PCDHGA4: variants seen among roughly 807,000 people sequenced by gnomAD.
The protein encoded by PCDHGA4 is protocadherin gamma subfamily A, 4.
PCDHGA4 carries 38 observed loss-of-function variants against 54.6 expected under a neutral mutation model. The ratio of observed to expected loss-of-function variants is 0.70; its 90% CI spans 0.54 to 0.91. PCDHGA4 has a LOEUF of 0.91. Among genes scored for constraint, PCDHGA4 ranks in the 40% least tolerant of loss-of-function variants. PCDHGA4 has a pLI of 0.00. For synonymous variants in PCDHGA4, 511 were observed against 512.9 expected (o/e 1.00, Z 0.05); for missense variants, 1,298 against 1,220.9 (o/e 1.06, Z -0.94).
intron 1 of PCDHGA4, among the ~76,000 whole-genome samples, chr5:141,401,212 G>A (rs2094128608): frequency 6.6e-6 from 1 of 151,930 alleles, no homozygotes; most frequent in Non-Finnish European, 1.5e-5. Context: ...TGTGGTGGCG[G>A]GCGCCTGTAA....
At chr5:141,389,842 C>T (rs779733638) in intron 1 of PCDHGA4, 21 of 1,614,018 alleles carry the variant, frequency 1.3e-5, no homozygotes, top group Non-Finnish European at 1.7e-5. Context: ...CCACCACTCT[C>T]GGCCACTGCC....
At chr5:141,359,613 G>A (rs960150614) in intron 1 of PCDHGA4, among the ~76,000 whole-genome samples, 5 of 151,718 alleles carry the variant, frequency 3.3e-5, no homozygotes, top group Non-Finnish European at 5.9e-5. Flanking sequence ...GCAGAATATG[G>A]TATGTTGTAT....
chr5:141,487,176 A>T lies in PCDHGA4; in HGVS notation c.2515-7631A>T. ...ACTCTCTTAGTGTCCTTAGAGGAAG[A>T]CACTCATCCAGTTGTCCCAGATCTT... On this transcript the variant is annotated intron_variant, in intron 1 of 3. Transcript: ENST00000571252. This position sits in a 1 kb window ranked among gnomAD's most constrained non-coding sequence, Gnocchi z 5.0. 1 of 1,613,774 alleles carries T rather than the reference A, an allele frequency of 6.2e-7. No individual in the cohort carries two copies. Among genetic ancestry groups the T allele is most frequent in the South Asian group, 1.1e-5 (1 of 91,082 alleles).
At chr5:141,383,401 CAG>C (rs1246270441) in intron 1 of PCDHGA4, 1 of 1,614,016 alleles carries the variant, frequency 6.2e-7, no homozygotes. Context: ...GAACTCCCTC[CAG>C]AGTTACCAGC....
intron 1 of PCDHGA4, chr5:141,377,028 G>A (rs776077319): frequency 2.5e-4 from 39 of 154,858 alleles, no homozygotes; most frequent in Admixed American, 6.4e-5. Context: ...ATTCAAGATT[G>A]TCTTTGATTA....
At position 141,431,391 on chromosome 5, in the gene PCDHGA4, T is replaced by C; in HGVS notation, c.2515-63416T>C. Reference sequence around the variant, plus strand: ...GAAGAAAAGGCTGCTCACCACCTGGTCCTTACGGCCTCCGACGGGGGCGAC... The same window carrying C: ...GAAGAAAAGGCTGCTCACCACCTGGCCCTTACGGCCTCCGACGGGGGCGAC... On this transcript the variant is annotated intron_variant, in intron 1 of 3. Transcript: ENST00000571252. The surrounding 1 kb of genome is among the most constrained non-coding windows in gnomAD (Gnocchi z 4.8). 1 of 1,613,852 alleles carries C rather than the reference T, an allele frequency of 6.2e-7. No homozygotes were observed.
intron 1 of PCDHGA4, among the ~76,000 whole-genome samples, chr5:141,460,958 T>C (rs182414946): frequency 8.2e-6 from 1 of 121,926 alleles, no homozygotes; most frequent in Non-Finnish European, 1.6e-5. Context: ...TATGTATATA[T>C]ATATGTGTGT....
At chr5:141,359,309 G>A (rs936588193) in intron 1 of PCDHGA4, among the ~76,000 whole-genome samples, 1 of 152,076 alleles carries the variant, frequency 6.6e-6, no homozygotes, top group African/African-American at 2.4e-5. Context: ...ATATTCAGGT[G>A]TTGGCATTAG....
chr5:141,371,489 C>G (rs548103153), intron 1 of PCDHGA4: 1 of 1,613,918 alleles, frequency 6.2e-7, no homozygotes, highest in Non-Finnish European at 8.5e-7. Context: ...TGGGGACTGC[C>G]GTTGCCCTGA....
chr5:141,469,881 G>A (rs922510082), intron 1 of PCDHGA4, among the ~76,000 whole-genome samples: 11 of 152,056 alleles, frequency 7.2e-5, no homozygotes, highest in Admixed American at 3.3e-4. Context: ...CTGTAATCTC[G>A]GCACTTTGGG....
intron 1 of PCDHGA4, chr5:141,418,093 C>G: frequency 8.1e-6 from 13 of 1,614,032 alleles, no homozygotes; most frequent in Non-Finnish European, 1.1e-5. Flanking sequence ...TCAGCGTAGA[C>G]GCGCAGAGCG....
At chr5:141,423,203 T>A (rs2096720538) in intron 1 of PCDHGA4, 1 of 1,613,508 alleles carries the variant, frequency 6.2e-7, no homozygotes, top group African/African-American at 1.3e-5. Context: ...TCGGCCACCG[T>A]CACGCTCACC....
rs2095935492 is a variant in PCDHGA4 at position 141,415,755 on chromosome 5, T to TG, written c.2514+58134_2514+58135insG. ...GTTTATTAAGGTTTTTTTTTTTTTT[T>TG]TTTTTTTTTTTTTTTTTACTTTCTG... On this transcript the variant is annotated intron_variant, in intron 1 of 3. Coordinates refer to ENST00000571252, the MANE Select transcript of PCDHGA4 (RefSeq NM_018917.4). 10 of 1,387,646 alleles carry TG rather than the reference T, an allele frequency of 7.2e-6. No individual in the cohort carries two copies. The African/African-American group carries it at 1.4e-4, about 19-fold the overall frequency. The allele number at this position is 1,387,646 out of a possible 1,614,324, so 86.0% of individuals were successfully genotyped here.
Position 141,431,072 on chromosome 5 carries a change from A to G in PCDHGA4, c.2515-63735A>G. On this transcript the variant is annotated intron_variant, in intron 1 of 3. Transcript: ENST00000571252. The surrounding 1 kb of genome is among the most constrained non-coding windows in gnomAD (Gnocchi z 4.8). ...TATGGGGGCCATCAAGTGTCAATTA[A>G]ATCTAGACATTCTGATGGAGGATAA... is the stretch of plus-strand genomic sequence containing the variant. 1 of 1,614,220 alleles carries G rather than the reference A, an allele frequency of 6.2e-7. No individual in the cohort carries two copies. Among genetic ancestry groups the G allele is most frequent in the Non-Finnish European group, 8.5e-7 (1 of 1,180,012 alleles).
rs1760519359 is a variant in PCDHGA4 at position 141,357,241 on chromosome 5, T to G, written c.2134T>G (p.Ser712Ala). The change falls in exon 1 of 4, where the codon TCA (serine) becomes GCA (alanine). Residue 712 changes from serine (S) to alanine (A), a missense_variant. Transcript: ENST00000571252. The stretch of plus-strand genomic sequence containing the variant: ...GGCTGACTTGGGCAGCCTCAAGCCT[T>G]CAGCAGACCCAGACGACTCGGGCCT... Reference protein sequence around the residue: ...VLADLGSLKPSADPDDSGLTL... With the variant: ...VLADLGSLKPAADPDDSGLTL... The G allele has an allele frequency of 6.2e-7, 1 of 1,613,712 alleles. No individual in the cohort carries two copies. The highest frequency in any genetic ancestry group is 8.5e-7 in the Non-Finnish European group (1 of 1,179,770).
At chr5:141,418,563 C>A (rs2096269554) in intron 1 of PCDHGA4, 2 of 1,613,998 alleles carry the variant, frequency 1.2e-6, no homozygotes, top group Non-Finnish European at 1.7e-6. Context: ...GTAATAGATG[C>A]CAATGACAAC....
At chr5:141,385,479 T>A in intron 1 of PCDHGA4, 6 of 1,429,214 alleles carry the variant, frequency 4.2e-6, no homozygotes, top group Non-Finnish European at 5.5e-6. Flanking sequence ...CACTTTAATA[T>A]AGAACACATA....
At chr5:141,469,743 A>G (rs1166798506) in intron 1 of PCDHGA4, among the ~76,000 whole-genome samples, 1 of 152,252 alleles carries the variant, frequency 6.6e-6, no homozygotes, top group Non-Finnish European at 1.5e-5. Context: ...CACCTCAAAA[A>G]TTACAAAAAT....
intron 1 of PCDHGA4, among the ~76,000 whole-genome samples, chr5:141,460,979 GTGTGTATATA>G (rs143444831): frequency 0.04 from 5,417 of 134,264 alleles, 125 homozygotes; most frequent in South Asian, 0.082. Context: ...GTGTGTGTGT[GTGTGTATATA>G]TATATATGTG....
Sources: gnomAD v4.1 joint callset for allele counts (sites outside exome capture counted in the v4.1 genomes callset) on GRCh38, gnomAD v4.1.1 for gene constraint, Gnocchi (gnomAD v3.1) non-coding constraint, MANE v1.5 for transcripts, NCBI Gene and HGNC (gene_info 2026-07-23, HGNC 2026-07-21) for gene names.